Variants in POR observed in about 807,000 individuals in gnomAD.
POR encodes cytochrome p450 oxidoreductase, also known as NADPH--cytochrome P450 reductase.
Under a neutral mutation model 84.0 loss-of-function variants are expected in POR, and 56 were observed. That is an observed-to-expected ratio of 0.67 (90% CI 0.54 to 0.83). POR has a LOEUF of 0.83. Ranked by LOEUF, POR falls within the 40% of genes least tolerant of loss-of-function variation. POR has a pLI of 0.00. For missense variants in POR, 938 were observed against 944.3 expected (o/e 0.99, Z 0.09); for synonymous variants, 414 against 400.5 (o/e 1.03, Z -0.40).
intron 15 of POR, 27 bp from the exon 16 acceptor site, chr7:75,986,310 C>G: frequency 1.2e-6 from 2 of 1,612,648 alleles, no homozygotes; most frequent in Non-Finnish European, 1.7e-6. Flanking sequence ...GTTGGCCCAG[C>G]CCCCAGCACC....
At position 75,926,562 on chromosome 7, in the gene POR, G is replaced by C. The variant is rs144992408; in HGVS notation, c.-5+11383G>C. On this transcript the variant is annotated intron_variant, in intron 1 of 15. Coordinates refer to ENST00000461988, the MANE Select transcript of POR (RefSeq NM_000941.3). The stretch of plus-strand genomic sequence containing the variant: ...TGTAATCCCAGCACTTTGGGAGGCC[G>C]AGGCGGGCAGATCACCTGAGGTCGC... 6.3e-3 allele frequency among the ~76,000 whole-genome samples: 965 copies of C among 152,204 alleles called. 11 individuals carry two copies. Among genetic ancestry groups the C allele is most frequent in the African/African-American group, 0.02 (843 of 41,538 alleles).
At position 75,983,404 on chromosome 7, in the gene POR, T is replaced by A. The variant is rs564652244; in HGVS notation, c.831-116T>A. ...GAGCCCTTGATGTAACCGGTGAGATTTCCTCATGGAGATCTCTGAGATTCC... is the reference window on the plus strand; with the variant it reads ...GAGCCCTTGATGTAACCGGTGAGATATCCTCATGGAGATCTCTGAGATTCC... On this transcript the variant is annotated intron_variant, in intron 8 of 15. Transcript: ENST00000461988. 24 of 723,114 alleles carry A rather than the reference T, an allele frequency of 3.3e-5. No homozygotes were observed. The African/African-American group carries it at 3.9e-4, about 12-fold the overall frequency. 44.8% of individuals were successfully genotyped at this position (723,114 alleles called of 1,614,324 possible).
intron 2 of POR, among the ~76,000 whole-genome samples, chr7:75,965,317 C>G (rs1412385990): frequency 6.6e-6 from 1 of 152,210 alleles, no homozygotes; most frequent in African/African-American, 2.4e-5. Context: ...AATTCTGGGA[C>G]CCTCATCACC....
intron 2 of POR, among the ~76,000 whole-genome samples, chr7:75,966,916 T>C (rs1788208429): frequency 1.3e-5 from 2 of 152,198 alleles, no homozygotes; most frequent in African/African-American, 4.8e-5. Flanking sequence ...GTCTGTGTGC[T>C]CCAGGCCTGG....
At position 75,972,517 on chromosome 7, in the gene POR, GT is replaced by G. The variant is rs72553992; in HGVS notation, c.237+57del. On this transcript the variant is annotated intron_variant, in intron 3 of 15. Transcript: ENST00000461988. Reference sequence around the variant, plus strand: ...AGGAAGCCTCGGCCCCGATGGGCATGTAATCAAGTCTAGCAGACGGCTGGCG... The same window carrying G: ...AGGAAGCCTCGGCCCCGATGGGCATGAATCAAGTCTAGCAGACGGCTGGCG... 6.7e-6 allele frequency: 10 copies of G among 1,488,456 alleles called. No individual in the cohort carries two copies. The Admixed American group carries it at 1.9e-4, about 29-fold the overall frequency. 92.2% of individuals were successfully genotyped at this position (1,488,456 alleles called of 1,614,324 possible). A position where few individuals can be genotyped will look rare whatever the true frequency, so the allele number is the denominator to read the frequency against.
At chr7:75,973,744 C>T (rs933414480) in intron 3 of POR, among the ~76,000 whole-genome samples, 82 of 134,092 alleles carry the variant, frequency 6.1e-4, no homozygotes, top group African/African-American at 2.2e-3. Context: ...TGCAATGGCA[C>T]GGTCTTGGCT....
intron 1 of POR, among the ~76,000 whole-genome samples, chr7:75,918,909 C>T (rs1404329065): frequency 2.0e-5 from 3 of 150,898 alleles, no homozygotes; most frequent in African/African-American, 7.3e-5. Context: ...CGCGTGGTGG[C>T]ACTTGTCTGA....
intron 5 of POR, 112 bp downstream of exon 5, chr7:75,980,600 C>T: frequency 6.2e-7 from 1 of 1,602,760 alleles, no homozygotes; most frequent in Non-Finnish European, 8.5e-7. Flanking sequence ...CTGTCCTCAG[C>T]AGCCAGGGCA....
intron 8 of POR, chr7:75,983,289 C>T (rs1228087511): frequency 3.8e-5 from 18 of 473,270 alleles, no homozygotes; most frequent in African/African-American, 1.4e-4. Flanking sequence ...TGCAGTGAGC[C>T]GAGATCGCGC....
intron 1 of POR, among the ~76,000 whole-genome samples, chr7:75,937,793 C>A (rs1807772345): frequency 1.3e-5 from 2 of 151,552 alleles, no homozygotes; most frequent in South Asian, 4.2e-4. Flanking sequence ...AAAAAAAAAA[C>A]AATTGAGGCA....
In POR at chr7:75,986,219, G is replaced by A. The variant is rs369181144; in HGVS notation, c.1876G>A (p.Gly626Ser). The change falls in exon 15 of 16, where the codon GGT becomes AGT. Residue 626 changes from glycine (G) to serine (S), a missense_variant. Gly to Ser is a moderately conservative substitution (Grantham distance 56). Coordinates refer to ENST00000461988, the MANE Select transcript of POR (RefSeq NM_000941.3). ...GCACCTGTGGAAGTTGATCGAAGGC[G>A]GTGCCCACATCTACGTCTGTGGGTG... is the stretch of plus-strand genomic sequence containing the variant. 4.6e-5 allele frequency: 74 copies of A among 1,612,502 alleles called. 1 individual carries two copies. Among genetic ancestry groups the A allele is most frequent in the East Asian group, 4.0e-4 (18 of 44,866 alleles).
At chr7:75,985,874 G>T in intron 13 of POR, 25 bp downstream of exon 13, 1 of 1,551,680 alleles carries the variant, frequency 6.4e-7, no homozygotes, top group East Asian at 2.4e-5. Flanking sequence ...ATGGGGGAGA[G>T]GGGGTGACGA....
Position 75,980,342 on chromosome 7 carries a change from G to C in POR, c.370G>C (p.Asp124His). The C allele has an allele frequency of 6.2e-7, 1 of 1,612,310 alleles. No homozygotes were observed. The highest frequency in any genetic ancestry group is 8.5e-7 in the Non-Finnish European group (1 of 1,179,308). The change falls in exon 5 of 16, where the codon GAC (aspartate) becomes CAC (histidine). Residue 124 changes from aspartate (D) to histidine (H), a missense_variant. Coordinates refer to ENST00000461988, the MANE Select transcript of POR (RefSeq NM_000941.3). ...GGTCCTGTCCCTGTTTCTGCAGGCC[G>C]ACCTGAGCAGCCTGCCAGAGATCGA...
chr7:75,979,360 GCCC>G, intron 3 of POR, 88 bp from the exon 4 acceptor site: 1 of 1,500,340 alleles, frequency 6.7e-7, no homozygotes, highest in Non-Finnish European at 9.0e-7. Context: ...GGCCTGGAGG[GCCC>G]CCGCCTGCCA....
At chr7:75,984,469 G>C (rs1204656828) in intron 10 of POR, among the ~76,000 whole-genome samples, 1 of 152,194 alleles carries the variant, frequency 6.6e-6, no homozygotes, top group Non-Finnish European at 1.5e-5. Context: ...CTGTAGGGAA[G>C]CCTGGGCGGG....
intron 2 of POR, among the ~76,000 whole-genome samples, chr7:75,967,585 A>G (rs1324686234): frequency 6.6e-6 from 1 of 151,428 alleles, no homozygotes; most frequent in Non-Finnish European, 1.5e-5. Context: ...GCCCTGCCAT[A>G]GCAACCTGCA....
chr7:75,952,817 A>G (rs1442400681), intron 1 of POR, among the ~76,000 whole-genome samples: 7 of 150,944 alleles, frequency 4.6e-5, no homozygotes, highest in Non-Finnish European at 1.0e-4. Flanking sequence ...GGCCGGGCAG[A>G]GACGCTCCTC....
At chr7:75,970,560 G>T (rs1385471246) in intron 2 of POR, among the ~76,000 whole-genome samples, 1 of 151,592 alleles carries the variant, frequency 6.6e-6, no homozygotes, top group African/African-American at 2.4e-5. Flanking sequence ...GTTTTACCCA[G>T]GCTGGTCTCA....
intron 1 of POR, chr7:75,921,265 CT>C (rs55776717): frequency 0.5 from 56,818 of 112,918 alleles, 15,355 homozygotes; most frequent in Non-Finnish European, 0.68. Context: ...AGTTTTTAGT[CT>C]TTTTTTTTTT....
Sources: gnomAD v4.1 joint callset for allele counts (sites outside exome capture counted in the v4.1 genomes callset) on GRCh38, gnomAD v4.1.1 for gene constraint, MANE v1.5 for transcripts, NCBI Gene and HGNC (gene_info 2026-07-23, HGNC 2026-07-21) for gene names.